Variants in ACOT12 observed in about 807,000 individuals in gnomAD.
ACOT12 encodes the protein acetyl-coenzyme A thioesterase.
Under a neutral mutation model 67.7 loss-of-function variants are expected in ACOT12, and 51 were observed. The observed-to-expected ratio is 0.75, with a 90% CI of 0.60 to 0.95. The LOEUF (loss-of-function observed/expected upper bound fraction) is 0.95, where lower values mean the gene tolerates loss of function less well. ACOT12 is among the 40% of genes least tolerant of loss of function. The pLI is 0.00. For missense variants in ACOT12, 734 were observed against 708.1 expected, an observed-to-expected ratio of 1.04 and a Z score of -0.41; for synonymous variants, 251 against 244.6, an observed-to-expected ratio of 1.03 and a Z score of -0.24.
chr5:81,311,167 T>C, the ACOT12 span: 1 of 1,608,578 alleles, frequency 6.2e-7, no homozygotes, highest in Non-Finnish European at 8.5e-7. Flanking sequence ...TAAAAACCCC[T>C]TGCAAGTATG....
At chr5:81,390,832 T>C (rs1029662840) in intron 1 of ACOT12, among the ~76,000 whole-genome samples, 1 of 152,202 alleles carries the variant, frequency 6.6e-6, no homozygotes, top group Non-Finnish European at 1.5e-5. Context: ...TTATACTAGC[T>C]GCTTTAAAAT....
At chr5:81,383,759 A>G (rs1391305642) in intron 2 of ACOT12, among the ~76,000 whole-genome samples, 1 of 152,088 alleles carries the variant, frequency 6.6e-6, no homozygotes. Context: ...AACAAATTTT[A>G]AAAACAGAAA....
At chr5:81,311,135 A>T in the ACOT12 span, 2 of 1,444,630 alleles carry the variant, frequency 1.4e-6, no homozygotes, top group Non-Finnish European at 1.9e-6. Flanking sequence ...ATCCAGTAAG[A>T]TGTGAAAGTG....
chr5:81,332,800 A>G (rs1274536333), intron 12 of ACOT12, among the ~76,000 whole-genome samples, 195 bp from the exon 13 acceptor site: 1 of 152,184 alleles, frequency 6.6e-6, no homozygotes, highest in African/African-American at 2.4e-5. Flanking sequence ...ACAGTGGCTC[A>G]TGCCTGCAAT....
chr5:81,363,121 C>T (rs1040402044), intron 4 of ACOT12, among the ~76,000 whole-genome samples: 4 of 151,904 alleles, frequency 2.6e-5, no homozygotes, highest in Admixed American at 6.6e-5. Context: ...TGAATTATCA[C>T]AGTGTTTAGA....
chr5:81,381,364 C>T (rs1178281536), intron 2 of ACOT12, among the ~76,000 whole-genome samples: 2 of 151,864 alleles, frequency 1.3e-5, no homozygotes, highest in African/African-American at 2.4e-5. Flanking sequence ...CCCCTGCACC[C>T]GGCCAGTATT....
At chr5:81,342,453 C>A (rs1266115091) in intron 11 of ACOT12, among the ~76,000 whole-genome samples, 1 of 152,094 alleles carries the variant, frequency 6.6e-6, no homozygotes, top group Non-Finnish European at 1.5e-5. Flanking sequence ...ATGTGAGAAC[C>A]TAAGCTCAGA....
chr5:81,331,319 C>T (rs543307841), intron 13 of ACOT12, among the ~76,000 whole-genome samples: 2 of 152,232 alleles, frequency 1.3e-5, no homozygotes, highest in South Asian at 4.1e-4. Context: ...AGGCAGATCA[C>T]CTGAGGTCAG....
intron 1 of ACOT12, among the ~76,000 whole-genome samples, chr5:81,389,955 ATTT>A (rs34623194): frequency 6.9e-5 from 9 of 129,508 alleles, no homozygotes; most frequent in Admixed American, 2.3e-4. Context: ...TTATTTATGT[ATTT>A]TTTTTTTTTT....
At position 81,393,975 on chromosome 5, in the gene ACOT12, G is replaced by A; in HGVS notation, c.127+13C>T. Reference sequence around the variant, plus strand: ...CGGTCCCGCGCCTCCCCGCAGCCCCGGCGCCCGCCTACCCGCCAGGCAGGC... The same window carrying A: ...CGGTCCCGCGCCTCCCCGCAGCCCCAGCGCCCGCCTACCCGCCAGGCAGGC... On this transcript the variant is annotated intron_variant, in intron 1 of 14. Transcript: ENST00000307624. The A allele has an allele frequency of 1.5e-6, 2 of 1,331,390 alleles. No individual in the cohort carries two copies. Among genetic ancestry groups the A allele is most frequent in the South Asian group, 2.0e-5 (1 of 49,642 alleles). The allele number at this position is 1,331,390 out of a possible 1,614,324, so 82.5% of individuals were successfully genotyped here.
At chr5:81,332,079 A>T (rs1001701998) in intron 13 of ACOT12, among the ~76,000 whole-genome samples, 1 of 152,216 alleles carries the variant, frequency 6.6e-6, no homozygotes, top group Non-Finnish European at 1.5e-5. Context: ...ATGTCTGGAT[A>T]CTCTGATCGA....
chr5:81,389,044 T>C lies in ACOT12; in HGVS notation c.128-3218A>G, dbSNP rs559040066. Among the ~76,000 whole-genome samples the C allele has an allele frequency of 5.9e-5, 9 of 152,310 alleles. No individual in the cohort carries two copies. In the East Asian group the frequency reaches 1.3e-3, roughly 23 times the overall value. On this transcript the variant is annotated intron_variant, in intron 1 of 14. Coordinates refer to ENST00000307624, the MANE Select transcript of ACOT12 (RefSeq NM_130767.3). ...AATTACCCAGTCTCAGATATGTCTT[T>C]ATCAGCAGCATGAAAATGGACTAAT...
intron 3 of ACOT12, among the ~76,000 whole-genome samples, chr5:81,369,097 T>G (rs1389903565): frequency 1.3e-5 from 2 of 152,030 alleles, no homozygotes; most frequent in Admixed American, 6.6e-5. Context: ...ATGGGAGAAT[T>G]TTAATGTTGT....
the ACOT12 span, among the ~76,000 whole-genome samples, chr5:81,316,127 GTT>G: frequency 6.6e-6 from 1 of 152,214 alleles, no homozygotes; most frequent in Non-Finnish European, 1.5e-5. Flanking sequence ...CCATGGGAAA[GTT>G]TTGGTTTTAT....
chr5:81,374,540 C>A (rs1760350812), intron 2 of ACOT12, among the ~76,000 whole-genome samples: 1 of 152,068 alleles, frequency 6.6e-6, no homozygotes, highest in Non-Finnish European at 1.5e-5. Context: ...TAACAAACTC[C>A]TCCAAGCTAA....
At chr5:81,356,248 T>C (rs1005961573) in intron 5 of ACOT12, among the ~76,000 whole-genome samples, 1 of 152,222 alleles carries the variant, frequency 6.6e-6, no homozygotes, top group Admixed American at 6.5e-5. Context: ...GCCTTCCTGA[T>C]TCCCAGTCCA....
At chr5:81,351,914 A>T (rs1320416948) in intron 5 of ACOT12, among the ~76,000 whole-genome samples, 1 of 152,252 alleles carries the variant, frequency 6.6e-6, no homozygotes, top group African/African-American at 2.4e-5. Context: ...ATAGGAAAAA[A>T]ATCTAATAAT....
chr5:81,341,670 G>A (rs564211471), intron 11 of ACOT12, among the ~76,000 whole-genome samples: 7 of 152,162 alleles, frequency 4.6e-5, no homozygotes, highest in Non-Finnish European at 8.8e-5. Context: ...TGAGCAGATC[G>A]GCCCTCAGGG....
In ACOT12 at chr5:81,338,043, C is replaced by T. The variant is rs11955415; in HGVS notation, c.1129-2142G>A. Among the ~76,000 whole-genome samples, 1,428 of 152,242 alleles carry T rather than the reference C, an allele frequency of 9.4e-3. 21 individuals carry two copies. The highest frequency in any genetic ancestry group is 0.033 in the African/African-American group (1,358 of 41,534). Reference sequence around the variant, plus strand: ...GAAGGTGAGGGTAGCAGAAAGTCCCCGTTGCCCTGCTGTATAAATCAATGA... The same window carrying T: ...GAAGGTGAGGGTAGCAGAAAGTCCCTGTTGCCCTGCTGTATAAATCAATGA... On this transcript the variant is annotated intron_variant, in intron 11 of 14. Transcript: ENST00000307624.
Sources: allele counts gnomAD v4.1 joint callset (sites outside exome capture counted in the v4.1 genomes callset), GRCh38; gene constraint gnomAD v4.1.1; transcripts MANE v1.5; gene names NCBI Gene and HGNC (gene_info 2026-07-23, HGNC 2026-07-21).